The following EXOC4 variants were observed in gnomAD, a reference collection of about 807,000 sequenced individuals.
EXOC4 encodes the protein exocyst complex component 4.
Under a neutral mutation model 107.2 loss-of-function variants are expected in EXOC4, and 71 were observed. The observed-to-expected ratio is 0.66, with a 90% CI of 0.55 to 0.81. The LOEUF is 0.81. EXOC4 is among the 30% of genes least tolerant of loss of function. The pLI, the probability that EXOC4 is intolerant of heterozygous loss-of-function variation, is 0.00. For missense variants in EXOC4, 1,108 were observed against 1,189.6 expected (o/e 0.93, Z 1.01); for synonymous variants, 456 against 441.2 (o/e 1.03, Z -0.42).
intron 5 of EXOC4, among the ~76,000 whole-genome samples, chr7:133,354,643 C>T (rs1473515835): frequency 6.6e-6 from 1 of 152,092 alleles, no homozygotes. Context: ...CCTCTTTGTA[C>T]CTCTGTGATT....
At chr7:133,602,353 T>C (rs559566627) in intron 9 of EXOC4, among the ~76,000 whole-genome samples, 1 of 152,176 alleles carries the variant, frequency 6.6e-6, no homozygotes, top group Non-Finnish European at 1.5e-5. Flanking sequence ...CCTGACTGTT[T>C]TTGAAAGAAT....
At chr7:133,328,250 C>T (rs1584816749) in intron 5 of EXOC4, among the ~76,000 whole-genome samples, 1 of 143,392 alleles carries the variant, frequency 7.0e-6, no homozygotes, top group Non-Finnish European at 1.5e-5. Flanking sequence ...GGATTGCAAC[C>T]CCTGTTTTTT....
intron 7 of EXOC4, among the ~76,000 whole-genome samples, chr7:133,444,570 A>G (rs537305819): frequency 6.6e-6 from 1 of 152,170 alleles, no homozygotes; most frequent in East Asian, 1.9e-4. Flanking sequence ...TCCTATGAAA[A>G]AGATACAATT....
intron 1 of EXOC4, chr7:133,253,782 A>G (rs1022738401): frequency 6.6e-6 from 1 of 152,502 alleles, no homozygotes; most frequent in Non-Finnish European, 1.5e-5. Context: ...CATTCCTTAA[A>G]AAACAGAACC....
At position 133,604,706 on chromosome 7, in the gene EXOC4, C is replaced by CTTTTTTTTTTTTT. The variant is rs1554477961; in HGVS notation, c.1418-25336_1418-25335insTTTTTTTTTTTTT. 8.2e-3 allele frequency among the ~76,000 whole-genome samples: 720 copies of CTTTTTTTTTTTTT among 87,410 alleles called. 91 individuals carry two copies. Among genetic ancestry groups the CTTTTTTTTTTTTT allele is most frequent in the Non-Finnish European group, 0.013 (558 of 43,940 alleles). The allele number at this position is 87,410 out of a possible 152,430, so 57.3% of individuals were successfully genotyped here. A position where few individuals can be genotyped will look rare whatever the true frequency, so the allele number is the denominator to read the frequency against. ...TTTTTCTTTCCTTCCTTCCTTCCTT[C>CTTTTTTTTTTTTT]TTTCTTTTTTTTTTTTTTTTTTTTT... On this transcript the variant is annotated intron_variant, in intron 9 of 17. Coordinates refer to ENST00000253861, the MANE Select transcript of EXOC4 (RefSeq NM_021807.4).
At chr7:133,564,533 T>C (rs1585000944) in intron 9 of EXOC4, among the ~76,000 whole-genome samples, 1 of 152,274 alleles carries the variant, frequency 6.6e-6, no homozygotes, top group South Asian at 2.1e-4. Context: ...TCTCCACTTA[T>C]TTTAAATTGG....
chr7:133,471,859 A>C (rs1273757524), intron 7 of EXOC4, among the ~76,000 whole-genome samples: 2 of 152,224 alleles, frequency 1.3e-5, no homozygotes, highest in Non-Finnish European at 2.9e-5. Context: ...AAGGACTAAT[A>C]ATATCAGGCA....
chr7:133,683,324 T>C (rs1794227265), intron 10 of EXOC4, among the ~76,000 whole-genome samples: 1 of 152,142 alleles, frequency 6.6e-6, no homozygotes, highest in Non-Finnish European at 1.5e-5. Flanking sequence ...AATTGAGCAG[T>C]ATCAAGTTTG....
chr7:134,085,123 C>T, the EXOC4 span, among the ~76,000 whole-genome samples: 2 of 152,258 alleles, frequency 1.3e-5, no homozygotes, highest in Non-Finnish European at 2.9e-5. Flanking sequence ...ATCTTGTCCA[C>T]CTATCAAGTT....
chr7:133,565,367 C>T (rs776026852), intron 9 of EXOC4, among the ~76,000 whole-genome samples: 5 of 152,130 alleles, frequency 3.3e-5, no homozygotes, highest in Non-Finnish European at 2.9e-5. Flanking sequence ...ATAAGTAACA[C>T]GTAAAATACT....
chr7:133,840,494 T>TTTATTTATTTATTTATTTATTTATTTA (rs1798003574), intron 11 of EXOC4, among the ~76,000 whole-genome samples: 3 of 151,302 alleles, frequency 2.0e-5, no homozygotes, highest in African/African-American at 7.3e-5. Context: ...TTTTATTGTA[T>TTTATTTATTTATTTATTTATTTATTTA]TTTATTTATT....
intron 9 of EXOC4, among the ~76,000 whole-genome samples, chr7:133,608,296 T>TTAAGATATTTAGGTAAA (rs1801995881): frequency 6.6e-6 from 1 of 152,148 alleles, no homozygotes; most frequent in Non-Finnish European, 1.5e-5. Flanking sequence ...AGGTTAACAG[T>TTAAGATATTTAGGTAAA]TTGTTTGATT....
chr7:133,770,362 C>T (rs1375220259), intron 10 of EXOC4, among the ~76,000 whole-genome samples: 2 of 151,902 alleles, frequency 1.3e-5, no homozygotes, highest in South Asian at 2.1e-4. Flanking sequence ...AGAGCCCATG[C>T]TCTTAAATGC....
At chr7:133,492,634 T>A (rs923540765) in intron 9 of EXOC4, among the ~76,000 whole-genome samples, 28 of 152,190 alleles carry the variant, frequency 1.8e-4, no homozygotes, top group African/African-American at 6.8e-4. Flanking sequence ...TATTTTTTAA[T>A]TGCAAATACT....
At chr7:133,637,302 T>TA (rs1260468888) in intron 10 of EXOC4, among the ~76,000 whole-genome samples, 1 of 152,224 alleles carries the variant, frequency 6.6e-6, no homozygotes, top group Non-Finnish European at 1.5e-5. Context: ...AAGGCATATA[T>TA]AATTTGCTGT....
At chr7:133,804,222 C>G (rs1278406151) in intron 10 of EXOC4, among the ~76,000 whole-genome samples, 1 of 151,200 alleles carries the variant, frequency 6.6e-6, no homozygotes, top group Non-Finnish European at 1.5e-5. Flanking sequence ...AGAAAGATAC[C>G]AACAGTGATA....
chr7:133,341,602 G>A (rs1795662490), intron 5 of EXOC4, among the ~76,000 whole-genome samples: 1 of 152,138 alleles, frequency 6.6e-6, no homozygotes, highest in Admixed American at 6.5e-5. Context: ...TTTCTGTCTT[G>A]ATGACCTGTC....
At chr7:133,789,596 A>G (rs147795647) in intron 10 of EXOC4, among the ~76,000 whole-genome samples, 1 of 152,242 alleles carries the variant, frequency 6.6e-6, no homozygotes, top group East Asian at 1.9e-4. Flanking sequence ...TCCTAGGTAT[A>G]TTTTTGGTCT....
At position 133,774,998 on chromosome 7, in the gene EXOC4, A is replaced by G. The variant is rs184035633; in HGVS notation, c.1515-42327A>G. 3.6e-3 allele frequency among the ~76,000 whole-genome samples: 541 copies of G among 152,148 alleles called. 4 individuals are homozygous for G. Among genetic ancestry groups the G allele is most frequent in the Non-Finnish European group, 5.1e-3 (350 of 67,992 alleles). ...TCTAGCAGTGGCCCAGATGTAGGGCAGTGGAATAGAGCACTGTCTTTACCC... is the reference window on the plus strand; with the variant it reads ...TCTAGCAGTGGCCCAGATGTAGGGCGGTGGAATAGAGCACTGTCTTTACCC... On this transcript the variant is annotated intron_variant, in intron 10 of 17. Coordinates refer to ENST00000253861, the MANE Select transcript of EXOC4 (RefSeq NM_021807.4).
Sources: allele counts gnomAD v4.1 joint callset (sites outside exome capture counted in the v4.1 genomes callset), GRCh38; gene constraint gnomAD v4.1.1; transcripts MANE v1.5; gene names NCBI Gene and HGNC (gene_info 2026-07-23, HGNC 2026-07-21).